Variants in CAST observed in about 807,000 individuals in gnomAD.
The protein encoded by CAST is MIR583 host.
CAST carries 76 observed loss-of-function variants against 119.6 expected under a neutral mutation model. The observed-to-expected ratio is 0.64, with a 90% CI of 0.53 to 0.77. The LOEUF is 0.77. Among genes scored for constraint, CAST ranks in the 30% least tolerant of loss-of-function variants. The pLI, the probability that CAST is intolerant of heterozygous loss-of-function variation, is 0.00. For synonymous variants in CAST, 319 were observed against 331.6 expected, an observed-to-expected ratio of 0.96 and a Z score of 0.41; for missense variants, 953 against 946.5, an observed-to-expected ratio of 1.01 and a Z score of -0.09.
chr5:96,671,267 C>T (rs769592171), intron 1 of CAST, among the ~76,000 whole-genome samples: 2 of 152,086 alleles, frequency 1.3e-5, no homozygotes, highest in Non-Finnish European at 2.9e-5. Context: ...GCATCCTGTC[C>T]TGCTCTTCCT....
chr5:96,283,294 T>C, the CAST span, among the ~76,000 whole-genome samples: 1 of 152,192 alleles, frequency 6.6e-6, no homozygotes, highest in Admixed American at 6.5e-5. Context: ...GAGGTTTATG[T>C]AGGCTAATTG....
chr5:96,476,927 C>CA, the CAST span, among the ~76,000 whole-genome samples: 18,714 of 132,056 alleles, frequency 0.14, 1,589 homozygotes, highest in East Asian at 0.33. Flanking sequence ...ATGTGGATGG[C>CA]AAAAAAAAAA....
intron 1 of CAST, among the ~76,000 whole-genome samples, chr5:96,553,109 A>T (rs1331363815): frequency 6.6e-6 from 1 of 152,202 alleles, no homozygotes; most frequent in Non-Finnish European, 1.5e-5. Context: ...CACAACAAAA[A>T]AAAGAGAATT....
At chr5:96,203,099 A>G in the CAST span, among the ~76,000 whole-genome samples, 381 of 152,054 alleles carry the variant, frequency 2.5e-3, 2 homozygotes, top group African/African-American at 8.6e-3. Flanking sequence ...GTGTAGGTGT[A>G]TATGTGACTG....
chr5:96,192,170 A>G, the CAST span, among the ~76,000 whole-genome samples: 1 of 152,202 alleles, frequency 6.6e-6, no homozygotes, highest in Non-Finnish European at 1.5e-5. Context: ...TGAGGCTCAC[A>G]AAAACCACTA....
chr5:96,423,477 C>T, the CAST span: 54 of 1,612,864 alleles, frequency 3.3e-5, 1 homozygote, highest in African/African-American at 6.7e-5. Flanking sequence ...AGAAAAACAA[C>T]GAAGCATTGA....
chr5:96,425,799 A>T, the CAST span: 1 of 1,317,144 alleles, frequency 7.6e-7, no homozygotes, highest in Non-Finnish European at 1.1e-6. Context: ...CCACCCACAT[A>T]GTCCTTCTGT....
At chr5:96,146,761 G>A in the CAST span, among the ~76,000 whole-genome samples, 1 of 152,116 alleles carries the variant, frequency 6.6e-6, no homozygotes, top group African/African-American at 2.4e-5. Context: ...ACACAGCAAA[G>A]TTTTCTTCTC....
At chr5:96,175,642 C>T in the CAST span, among the ~76,000 whole-genome samples, 12 of 152,124 alleles carry the variant, frequency 7.9e-5, no homozygotes, top group Admixed American at 5.2e-4. Flanking sequence ...AAAAGCGTGA[C>T]GTTGTTGCTG....
At chr5:96,371,849 G>C in the CAST span, among the ~76,000 whole-genome samples, 1 of 152,116 alleles carries the variant, frequency 6.6e-6, no homozygotes, top group African/African-American at 2.4e-5. Flanking sequence ...CTTAAACACA[G>C]CAGGATTTAT....
At chr5:96,702,895 G>C in intron 3 of CAST, 2 of 985,516 alleles carry the variant, frequency 2.0e-6, no homozygotes, top group Non-Finnish European at 2.4e-6. Flanking sequence ...CGAGGACTGC[G>C]GGGTCCGGTG....
the CAST span, among the ~76,000 whole-genome samples, chr5:96,217,478 C>T: frequency 6.6e-6 from 1 of 152,040 alleles, no homozygotes; most frequent in South Asian, 2.1e-4. Context: ...TTTGGTGCCG[C>T]TCCCTTGATT....
At chr5:96,759,930 T>C (rs527888180) in intron 24 of CAST, among the ~76,000 whole-genome samples, 129 of 152,146 alleles carry the variant, frequency 8.5e-4, no homozygotes, top group Non-Finnish European at 1.4e-3. Context: ...GGAAACACTA[T>C]GTACAACAAT....
intron 3 of CAST, 33 bp from the exon 4 acceptor site, chr5:96,722,606 A>G (rs775931177): frequency 6.5e-7 from 1 of 1,532,488 alleles, no homozygotes; most frequent in Non-Finnish European, 9.0e-7. Flanking sequence ...GTTAAATAGA[A>G]TCGAACTTTC....
the CAST span, among the ~76,000 whole-genome samples, chr5:96,329,782 A>G: frequency 2.6e-5 from 4 of 152,202 alleles, no homozygotes; most frequent in Non-Finnish European, 5.9e-5. Context: ...GCTATTCTCC[A>G]TGTATTGAAG....
intron 1 of CAST, among the ~76,000 whole-genome samples, chr5:96,627,715 T>G (rs1747749989): frequency 1.3e-5 from 2 of 152,216 alleles, no homozygotes; most frequent in African/African-American, 4.8e-5. Context: ...CCTGGACTTG[T>G]GTGATTTATG....
Position 96,746,348 on chromosome 5 carries a change from G to C in CAST, c.1207G>C (p.Ala403Pro), listed in dbSNP as rs76738700. 2.7e-3 allele frequency: 4,319 copies of C among 1,602,796 alleles called. 94 individuals carry two copies. The African/African-American group carries it at 0.052, about 19-fold the overall frequency. Residue 403 changes from alanine (A) to proline (P), a missense_variant, in exon 17 of 32, where the codon GCT (alanine) becomes CCT (proline). Coordinates refer to ENST00000675179, the MANE Select transcript of CAST (RefSeq NM_001750.7). ...TCCCCTCCATTTTCATCAGGCAAAA[G>C]CTAAAGAAGAAAAACTAGAGAAGTG... ...RSIKEVDEAK[A>P]KEEKLEKCGE...
chr5:96,168,234 T>C, the CAST span, among the ~76,000 whole-genome samples: 10 of 152,298 alleles, frequency 6.6e-5, no homozygotes, highest in South Asian at 1.0e-3. Flanking sequence ...TGCTTTTAGC[T>C]ACCTTATCAG....
At chr5:96,322,346 G>T in the CAST span, among the ~76,000 whole-genome samples, 5 of 152,134 alleles carry the variant, frequency 3.3e-5, no homozygotes, top group Non-Finnish European at 5.9e-5. Flanking sequence ...TGAGGAAAGT[G>T]CTACGGTCAT....
Sources: allele counts gnomAD v4.1 joint callset (sites outside exome capture counted in the v4.1 genomes callset), GRCh38; gene constraint gnomAD v4.1.1; transcripts MANE v1.5; gene names NCBI Gene and HGNC (gene_info 2026-07-23, HGNC 2026-07-21).